Variants in CRB1 observed in about 807,000 individuals in gnomAD.
CRB1 encodes protein crumbs homolog 1.
Under a neutral mutation model 120.0 loss-of-function variants are expected in CRB1, and 83 were observed. The observed-to-expected ratio is 0.69, with a 90% CI of 0.58 to 0.83. CRB1 has a LOEUF of 0.83. CRB1 is among the 40% of genes least tolerant of loss of function. The probability of loss-of-function intolerance (pLI) is 0.00; values close to 1 mark genes in which losing one functional copy is unlikely to be tolerated. For synonymous variants in CRB1, 625 were observed against 612.5 expected, an observed-to-expected ratio of 1.02 and a Z score of -0.30; for missense variants, 1,699 against 1,687.6, an observed-to-expected ratio of 1.01 and a Z score of -0.12.
chr1:197,427,525 G>A lies in CRB1; in HGVS notation c.2200G>A (p.Gly734Arg), dbSNP rs1664647914. ...CATCTTTACTCTTGATGAGAGCTAT[G>A]GAGACACCATCAGCCTCTCCATGTT... ...YVIFTLDESY[G>R]DTISLSMFVR... Residue 734 changes from glycine (G) to arginine (R), a missense_variant, in exon 7 of 12, where the codon GGA (glycine) becomes AGA (arginine). Transcript: ENST00000367400. The A allele has an allele frequency of 1.2e-6, 2 of 1,613,698 alleles. No individual in the cohort carries two copies. Among genetic ancestry groups the A allele is most frequent in the Admixed American group, 3.3e-5 (2 of 59,918 alleles).
chr1:197,419,827 T>G (rs1237737671), intron 5 of CRB1, among the ~76,000 whole-genome samples: 2 of 134,790 alleles, frequency 1.5e-5, no homozygotes, highest in African/African-American at 5.4e-5. Context: ...AAAAAAAAAT[T>G]AACCAGGCGT....
chr1:197,356,575 T>C (rs570873292), intron 4 of CRB1, among the ~76,000 whole-genome samples: 2 of 152,356 alleles, frequency 1.3e-5, no homozygotes, highest in African/African-American at 2.4e-5. Flanking sequence ...TATCCTGACA[T>C]CTAATTTTAT....
chr1:197,333,446 T>G (rs1658978959), intron 2 of CRB1, among the ~76,000 whole-genome samples: 1 of 152,270 alleles, frequency 6.6e-6, no homozygotes, highest in Non-Finnish European at 1.5e-5. Flanking sequence ...AATTGAGGCC[T>G]TCTTTAAAAT....
upstream of CRB1, among the ~76,000 whole-genome samples, chr1:197,266,328 T>G (rs1024725818): frequency 4.6e-5 from 7 of 152,120 alleles, no homozygotes; most frequent in Non-Finnish European, 8.8e-5. Flanking sequence ...AGGTTCCTTC[T>G]ATGTGTCCTC....
At chr1:197,393,757 TAG>T (rs1558104557) in intron 5 of CRB1, among the ~76,000 whole-genome samples, 2 of 151,966 alleles carry the variant, frequency 1.3e-5, no homozygotes, top group South Asian at 4.1e-4. Flanking sequence ...TCAACAAGAA[TAG>T]AGTTTTTATA....
At chr1:197,405,798 C>T (rs1333522328) in intron 5 of CRB1, among the ~76,000 whole-genome samples, 3 of 151,092 alleles carry the variant, frequency 2.0e-5, no homozygotes, top group Admixed American at 1.3e-4. Flanking sequence ...CCCCTCCGCC[C>T]GGTAGCTGCC....
chr1:197,444,582 C>T (rs1415100690), intron 11 of CRB1: 1 of 152,226 alleles, frequency 6.6e-6, no homozygotes, highest in Non-Finnish European at 1.5e-5. Flanking sequence ...AATATGTTCT[C>T]TACCAAATGT....
At chr1:197,246,619 T>G in the CRB1 span, among the ~76,000 whole-genome samples, 9 of 152,002 alleles carry the variant, frequency 5.9e-5, no homozygotes, top group African/African-American at 2.2e-4. Context: ...TACTACAGTT[T>G]CCTGGAAGAA....
intron 11 of CRB1, among the ~76,000 whole-genome samples, chr1:197,468,886 T>C (rs1269120893): frequency 1.3e-5 from 2 of 151,772 alleles, no homozygotes; most frequent in Non-Finnish European, 2.9e-5. Flanking sequence ...AGAGGCATGA[T>C]TGAATAAACG....
intron 11 of CRB1, among the ~76,000 whole-genome samples, chr1:197,458,082 C>T (rs907792140): frequency 6.6e-6 from 1 of 152,016 alleles, no homozygotes; most frequent in Non-Finnish European, 1.5e-5. Flanking sequence ...CAGGGATCAC[C>T]GAACGAGGGT....
chr1:197,344,233 A>T (rs376777784), intron 2 of CRB1, 48 bp from the exon 3 acceptor site: 117 of 1,568,168 alleles, frequency 7.5e-5, no homozygotes, highest in Non-Finnish European at 9.5e-5. Flanking sequence ...AATTATGAAC[A>T]CTTTGCTAAA....
At chr1:197,454,331 A>C (rs1025609670) in intron 11 of CRB1, among the ~76,000 whole-genome samples, 14 of 152,218 alleles carry the variant, frequency 9.2e-5, no homozygotes, top group Non-Finnish European at 1.8e-4. Context: ...AAATAAAATA[A>C]GAAATTGTTC....
chr1:197,313,262 G>C lies in CRB1; in HGVS notation c.71-15160G>C, dbSNP rs377328234. 1.8e-4 allele frequency among the ~76,000 whole-genome samples: 28 copies of C among 152,286 alleles called. No homozygotes were observed. The East Asian group carries it at 4.2e-3, about 23-fold the overall frequency. On this transcript the variant is annotated intron_variant, in intron 1 of 11. Coordinates refer to ENST00000367400, the MANE Select transcript of CRB1 (RefSeq NM_201253.3). Reference sequence around the variant, plus strand: ...CCCATGATCCAATCACCTGCCACCAGGTCCTTCCCCCAACACTGGGAATTA... The same window carrying C: ...CCCATGATCCAATCACCTGCCACCACGTCCTTCCCCCAACACTGGGAATTA...
chr1:197,238,593 C>T, the CRB1 span, among the ~76,000 whole-genome samples: 1 of 152,018 alleles, frequency 6.6e-6, no homozygotes, highest in African/African-American at 2.4e-5. Flanking sequence ...TGCCTGTTAC[C>T]CCAGCACTTT....
intron 11 of CRB1, among the ~76,000 whole-genome samples, chr1:197,457,842 GT>G (rs1291389501): frequency 6.6e-6 from 1 of 152,102 alleles, no homozygotes; most frequent in Non-Finnish European, 1.5e-5. Flanking sequence ...AATTTAAACA[GT>G]TTTTCACTGG....
rs573479144 is a variant in CRB1, at chr1:197,436,126, T to A, written c.3749+514T>A. On this transcript the variant is annotated intron_variant, in intron 9 of 11. Coordinates refer to ENST00000367400, the MANE Select transcript of CRB1 (RefSeq NM_201253.3). ...TGAAAATCCACATTTAACTTTTAAC[T>A]CTCCCAAAACATAACAACTATCAGC... 4.6e-5 allele frequency among the ~76,000 whole-genome samples: 7 copies of A among 152,178 alleles called. No homozygotes were observed. The South Asian group carries it at 1.0e-3, about 23-fold the overall frequency.
In CRB1 at chr1:197,420,993, T is replaced by C. The variant is rs765967495; in HGVS notation, c.1172-7T>C. ...TATAATTTTAGCCCTTTTTTATTAT[T>C]TAACAGGAATCCACTGCGAAGAAGA... On this transcript the variant is annotated splice_polypyrimidine_tract_variant and splice_region_variant and intron_variant, in intron 5 of 11. Coordinates refer to ENST00000367400, the MANE Select transcript of CRB1 (RefSeq NM_201253.3). 1 of 1,489,372 alleles carries C rather than the reference T, an allele frequency of 6.7e-7. No individual in the cohort carries two copies. Among genetic ancestry groups the C allele is most frequent in the Non-Finnish European group, 9.4e-7 (1 of 1,066,416 alleles). The allele number at this position is 1,489,372 out of a possible 1,614,324, so 92.3% of individuals were successfully genotyped here.
intron 1 of CRB1, among the ~76,000 whole-genome samples, chr1:197,326,325 A>C (rs1658488369): frequency 6.6e-6 from 1 of 152,206 alleles, no homozygotes; most frequent in Non-Finnish European, 1.5e-5. Flanking sequence ...AATGGTACTT[A>C]AAATTTATAG....
At chr1:197,258,286 C>CT in the CRB1 span, among the ~76,000 whole-genome samples, 19 of 151,730 alleles carry the variant, frequency 1.3e-4, no homozygotes, top group Non-Finnish European at 2.1e-4. Flanking sequence ...TGGTTCCTTC[C>CT]TTTTTTTTGC....
Sources: gnomAD v4.1 joint callset for allele counts (sites outside exome capture counted in the v4.1 genomes callset) on GRCh38, gnomAD v4.1.1 for gene constraint, MANE v1.5 for transcripts, NCBI Gene and HGNC (gene_info 2026-07-23, HGNC 2026-07-21) for gene names.